METTL15: variants seen among roughly 807,000 people sequenced by gnomAD.
METTL15 encodes the protein 12S rRNA N(4)-cytidine methyltransferase METTL15.
Under a neutral mutation model 38.3 loss-of-function variants are expected in METTL15, and 34 were observed. The ratio of observed to expected loss-of-function variants is 0.89; its 90% CI spans 0.68 to 1.18. The LOEUF (loss-of-function observed/expected upper bound fraction) is 1.18. Among genes scored for constraint, METTL15 ranks in the 50% most tolerant of loss-of-function variants. The pLI is 0.00. For missense variants in METTL15, 438 were observed against 498.4 expected (o/e 0.88, Z 1.15); for synonymous variants, 162 against 170.9 (o/e 0.95, Z 0.41).
At chr11:28,353,049 G>A (rs1850055874) in intron 4 of METTL15, among the ~76,000 whole-genome samples, 1 of 152,090 alleles carries the variant, frequency 6.6e-6, no homozygotes, top group Non-Finnish European at 1.5e-5. Flanking sequence ...CACTATGAAA[G>A]CAGGATTTAA....
intron 6 of METTL15, among the ~76,000 whole-genome samples, chr11:28,468,896 A>G (rs1851279790): frequency 6.6e-6 from 1 of 152,200 alleles, no homozygotes; most frequent in African/African-American, 2.4e-5. Context: ...TCTATTTTAC[A>G]TTGCAGAGAC....
intron 5 of METTL15, among the ~76,000 whole-genome samples, chr11:28,389,477 C>A (rs1357769566): frequency 6.8e-6 from 1 of 146,226 alleles, no homozygotes; most frequent in Non-Finnish European, 1.5e-5. Flanking sequence ...TGAGAACATG[C>A]GGTGTTTGAT....
intron 6 of METTL15, among the ~76,000 whole-genome samples, chr11:28,451,766 C>T (rs1851124467): frequency 6.6e-6 from 1 of 152,154 alleles, no homozygotes. Flanking sequence ...CTGCTGGTGA[C>T]GTTAGCCAAG....
chr11:28,172,813 A>G (rs150649179), intron 3 of METTL15, among the ~76,000 whole-genome samples: 22 of 152,358 alleles, frequency 1.4e-4, no homozygotes, highest in Middle Eastern at 3.4e-3. Context: ...AGAAAATAGC[A>G]TACAGAGCTA....
chr11:28,193,911 A>C (rs573742901), intron 3 of METTL15, among the ~76,000 whole-genome samples: 15 of 152,050 alleles, frequency 9.9e-5, no homozygotes, highest in Admixed American at 2.6e-4. Flanking sequence ...ACTATCCCTA[A>C]TGTATTCTTT....
At chr11:28,285,556 C>T (rs1856225047) in intron 4 of METTL15, among the ~76,000 whole-genome samples, 2 of 152,008 alleles carry the variant, frequency 1.3e-5, no homozygotes, top group South Asian at 4.2e-4. Context: ...AAATCATAAC[C>T]CATCAAAGTG....
At chr11:28,192,908 C>G (rs1851751399) in intron 3 of METTL15, among the ~76,000 whole-genome samples, 1 of 152,068 alleles carries the variant, frequency 6.6e-6, no homozygotes, top group South Asian at 2.1e-4. Flanking sequence ...AATTTGTTCA[C>G]TTCAGCTAAG....
chr11:28,196,987 A>G (rs1329497802), intron 3 of METTL15, among the ~76,000 whole-genome samples: 1 of 152,012 alleles, frequency 6.6e-6, no homozygotes, highest in Non-Finnish European at 1.5e-5. Flanking sequence ...TTAAAGTATT[A>G]GTATCCGAGA....
intron 3 of METTL15, among the ~76,000 whole-genome samples, chr11:28,342,217 A>G (rs908913267): frequency 1.3e-5 from 2 of 151,976 alleles, no homozygotes; most frequent in Non-Finnish European, 2.9e-5. Context: ...CCTTCCCATG[A>G]TTTAGTTGTG....
chr11:28,292,102 C>A (rs1856540598), intron 5 of METTL15, among the ~76,000 whole-genome samples: 1 of 151,622 alleles, frequency 6.6e-6, no homozygotes, highest in East Asian at 1.9e-4. Context: ...TACATGTGCA[C>A]AACATGCAGG....
chr11:28,218,733 A>T (rs1284241814), intron 4 of METTL15, among the ~76,000 whole-genome samples: 1 of 152,198 alleles, frequency 6.6e-6, no homozygotes, highest in Non-Finnish European at 1.5e-5. Flanking sequence ...GATACGTCCC[A>T]TCAATACCTA....
intron 3 of METTL15, among the ~76,000 whole-genome samples, chr11:28,209,148 A>G (rs996302668): frequency 1.8e-4 from 28 of 151,972 alleles, no homozygotes; most frequent in African/African-American, 6.8e-4. Flanking sequence ...GAATATTGCT[A>G]ATGATGATGA....
intron 3 of METTL15, among the ~76,000 whole-genome samples, chr11:28,131,501 A>ATTT (rs370387962): frequency 9.7e-4 from 114 of 117,516 alleles, no homozygotes; most frequent in African/African-American, 2.7e-3. Flanking sequence ...ACTTCCAAGC[A>ATTT]TTTTTTTTTT....
intron 5 of METTL15, among the ~76,000 whole-genome samples, chr11:28,376,109 G>A (rs1291133636): frequency 6.6e-6 from 1 of 151,714 alleles, no homozygotes. Context: ...TTTTGGAATA[G>A]GTGTGGTGTG....
chr11:28,491,774 A>C (rs1402147827), intron 6 of METTL15, among the ~76,000 whole-genome samples: 1 of 152,138 alleles, frequency 6.6e-6, no homozygotes, highest in African/African-American at 2.4e-5. Flanking sequence ...ATACCTTTTA[A>C]ATTATAAATA....
At chr11:28,500,476 G>T (rs1246708479) in intron 6 of METTL15, among the ~76,000 whole-genome samples, 1 of 152,034 alleles carries the variant, frequency 6.6e-6, no homozygotes, top group Non-Finnish European at 1.5e-5. Context: ...CCTGTATTCT[G>T]CTCTCTTCAA....
At chr11:28,229,254 C>G (rs1853595503) in intron 4 of METTL15, among the ~76,000 whole-genome samples, 1 of 151,664 alleles carries the variant, frequency 6.6e-6, no homozygotes, top group Non-Finnish European at 1.5e-5. Context: ...TGGCATACAC[C>G]AAGATGATGA....
At chr11:28,389,285 G>C (rs1263739332) in intron 5 of METTL15, among the ~76,000 whole-genome samples, 7 of 151,180 alleles carry the variant, frequency 4.6e-5, no homozygotes, top group Admixed American at 2.0e-4. Context: ...CAATGTGCAG[G>C]TTAGTTACAT....
chr11:28,163,000 T>G (rs1850525062), intron 3 of METTL15, among the ~76,000 whole-genome samples: 1 of 150,680 alleles, frequency 6.6e-6, no homozygotes, highest in South Asian at 2.1e-4. Context: ...TTTTAAGAAA[T>G]TCTGTGTTAT....
Sources: gnomAD v4.1 joint callset for allele counts (sites outside exome capture counted in the v4.1 genomes callset) on GRCh38, gnomAD v4.1.1 for gene constraint, MANE v1.5 for transcripts, NCBI Gene and HGNC (gene_info 2026-07-23, HGNC 2026-07-21) for gene names.